Variants in OTUD7A observed in about 807,000 individuals in gnomAD.
OTUD7A encodes the protein OTU domain-containing protein 7A.
Under a neutral mutation model 65.7 loss-of-function variants are expected in OTUD7A, and 12 were observed. The observed-to-expected ratio is 0.18, with a 90% CI of 0.12 to 0.30. OTUD7A has a LOEUF of 0.30. Among genes scored for constraint, OTUD7A ranks in the 10% least tolerant of loss-of-function variants. OTUD7A has a pLI of 1.00. For missense variants in OTUD7A, 1,148 were observed against 1,304.8 expected, an observed-to-expected ratio of 0.88 and a Z score of 1.85; for synonymous variants, 641 against 586.3, an observed-to-expected ratio of 1.09 and a Z score of -1.35.
intron 3 of OTUD7A, among the ~76,000 whole-genome samples, chr15:31,603,755 C>A (rs1890152135): frequency 6.6e-6 from 1 of 151,928 alleles, no homozygotes; most frequent in Non-Finnish European, 1.5e-5. Context: ...CAAGAAAAAA[C>A]AAACAACCCC....
chr15:31,591,118 G>C (rs1048671795), intron 3 of OTUD7A, among the ~76,000 whole-genome samples: 1 of 152,078 alleles, frequency 6.6e-6, no homozygotes, highest in African/African-American at 2.4e-5. Flanking sequence ...CCCGGGAGAG[G>C]AAGAGGGAGG....
At chr15:31,805,129 G>A (rs999619466) in intron 1 of OTUD7A, among the ~76,000 whole-genome samples, 6 of 152,210 alleles carry the variant, frequency 3.9e-5, no homozygotes, top group Non-Finnish European at 7.3e-5. Flanking sequence ...GAGGCAACAG[G>A]TCGGGTGAGT....
intron 3 of OTUD7A, among the ~76,000 whole-genome samples, chr15:31,611,834 A>C (rs750441379): frequency 2.1e-4 from 32 of 152,220 alleles, no homozygotes; most frequent in Admixed American, 6.5e-4. Context: ...AAACCAGGGA[A>C]GGACATAACC....
At chr15:31,808,357 C>T (rs8028758) in intron 1 of OTUD7A, among the ~76,000 whole-genome samples, 86,988 of 151,884 alleles carry the variant, frequency 0.57, 25,342 homozygotes, top group East Asian at 0.69. Context: ...GTGATACCCA[C>T]TGCATTTCCC....
At chr15:31,754,261 C>T (rs540219469) in intron 1 of OTUD7A, among the ~76,000 whole-genome samples, 198 of 151,868 alleles carry the variant, frequency 1.3e-3, no homozygotes, top group Middle Eastern at 6.8e-3. Flanking sequence ...GATATTAGTC[C>T]TTTGTCAGAC....
At chr15:31,596,961 A>G (rs191470301) in intron 3 of OTUD7A, among the ~76,000 whole-genome samples, 4 of 152,196 alleles carry the variant, frequency 2.6e-5, no homozygotes, top group African/African-American at 9.6e-5. Flanking sequence ...GTTTTACTCT[A>G]TTACCCAGGC....
intron 8 of OTUD7A, among the ~76,000 whole-genome samples, chr15:31,520,619 G>A (rs1370918556): frequency 6.6e-6 from 1 of 152,156 alleles, no homozygotes; most frequent in Non-Finnish European, 1.5e-5. Flanking sequence ...GTCTTCAAAA[G>A]CAAATGTAAC....
At chr15:31,524,799 A>T (rs1208502107) in intron 8 of OTUD7A, among the ~76,000 whole-genome samples, 1 of 152,196 alleles carries the variant, frequency 6.6e-6, no homozygotes, top group African/African-American at 2.4e-5. Flanking sequence ...AAGGGACCTA[A>T]TCCTTTTGTT....
intron 3 of OTUD7A, among the ~76,000 whole-genome samples, chr15:31,603,294 TC>T (rs1566939389): frequency 1.2e-4 from 18 of 152,194 alleles, no homozygotes; most frequent in Admixed American, 9.8e-4. Flanking sequence ...ACACCACACT[TC>T]TACAACCATC....
At chr15:31,726,402 A>T (rs1023842388) in intron 1 of OTUD7A, among the ~76,000 whole-genome samples, 9 of 152,130 alleles carry the variant, frequency 5.9e-5, no homozygotes, top group South Asian at 2.1e-4. Context: ...TTCCCACTTA[A>T]GTAGTAAGAC....
At chr15:31,548,198 ACCCCC>A (rs1888197839) in intron 5 of OTUD7A, among the ~76,000 whole-genome samples, 1 of 66,352 alleles carries the variant, frequency 1.5e-5, no homozygotes, top group Non-Finnish European at 4.8e-5. Context: ...CTCCCGGGCC[ACCCCC>A]ATCATCTGTG....
At chr15:31,680,615 C>G (rs533327273) in intron 1 of OTUD7A, among the ~76,000 whole-genome samples, 11 of 152,120 alleles carry the variant, frequency 7.2e-5, no homozygotes, top group African/African-American at 2.7e-4. Context: ...GGACACTCAT[C>G]TCTACTTTAA....
intron 3 of OTUD7A, among the ~76,000 whole-genome samples, chr15:31,632,962 G>A (rs541134981): frequency 2.6e-4 from 40 of 152,308 alleles, no homozygotes; most frequent in African/African-American, 9.1e-4. Context: ...CGTTTTTTAA[G>A]CCCGTTGGAA....
At chr15:31,566,357 AAC>A (rs1888874599) in intron 4 of OTUD7A, among the ~76,000 whole-genome samples, 1 of 152,206 alleles carries the variant, frequency 6.6e-6, no homozygotes, top group South Asian at 2.1e-4. Context: ...ATGTGGGAAA[AAC>A]ACATATACAT....
intron 1 of OTUD7A, among the ~76,000 whole-genome samples, chr15:31,746,393 ATACT>A (rs1295233487): frequency 2.0e-5 from 3 of 152,192 alleles, no homozygotes; most frequent in Admixed American, 1.3e-4. Flanking sequence ...TTACAATAGA[ATACT>A]TACTATTCAA....
At position 31,559,640 on chromosome 15, in the gene OTUD7A, A is replaced by G. The variant is rs556277557; in HGVS notation, c.332-453T>C. On this transcript the variant is annotated intron_variant, in intron 4 of 12. Transcript: ENST00000307050. ...ATAGCATACACATACATGCATGCAG[A>G]CACACACATAGAAACAGTTGGCACA... 3.3e-5 allele frequency among the ~76,000 whole-genome samples: 5 copies of G among 152,164 alleles called. No individual in the cohort carries two copies. The East Asian group carries it at 9.6e-4, about 29-fold the overall frequency.
At chr15:31,557,136 G>C (rs543905211) in intron 5 of OTUD7A, 1 of 152,332 alleles carries the variant, frequency 6.6e-6, no homozygotes, top group South Asian at 2.1e-4. Flanking sequence ...TGAGTCCTGT[G>C]GCTACGACCT....
chr15:31,768,995 T>G (rs575372228), intron 1 of OTUD7A, among the ~76,000 whole-genome samples: 1 of 152,292 alleles, frequency 6.6e-6, no homozygotes, highest in Non-Finnish European at 1.5e-5. Context: ...AACAAAAAAC[T>G]GTCCATCTAA....
In OTUD7A at chr15:31,798,986, C is replaced by T. The variant is rs372021817; in HGVS notation, c.-100+71521G>A. On this transcript the variant is annotated intron_variant, in intron 1 of 12. Transcript: ENST00000307050. ...AGCCTACTGGAAGAGGGGTCACAGG[C>T]CTTCAAGGAGGGGCCAGGGTGGAGA... Among the ~76,000 whole-genome samples, 48 of 152,322 alleles carry T rather than the reference C, an allele frequency of 3.2e-4. 1 individual carries two copies. In the South Asian group the frequency reaches 9.7e-3, roughly 31 times the overall value.
Sources: allele counts gnomAD v4.1 joint callset (sites outside exome capture counted in the v4.1 genomes callset), GRCh38; gene constraint gnomAD v4.1.1; transcripts MANE v1.5; gene names NCBI Gene and HGNC (gene_info 2026-07-23, HGNC 2026-07-21).